Variants in TRAM1 observed in about 807,000 individuals in gnomAD.
TRAM1 encodes translocation associated membrane protein 1.
In TRAM1, 17 loss-of-function variants were observed where a neutral mutation model predicts 48.7. The observed-to-expected ratio is 0.35, with a 90% CI of 0.24 to 0.52. The LOEUF (loss-of-function observed/expected upper bound fraction) is 0.52, where lower values mean the gene tolerates loss of function less well. Among genes scored for constraint, TRAM1 ranks in the 20% least tolerant of loss-of-function variants. The pLI is 0.94. For synonymous variants in TRAM1, 182 were observed against 154.0 expected (o/e 1.18, Z -1.34); for missense variants, 351 against 441.5 (o/e 0.79, Z 1.84).
chr8:70,586,875 A>G lies in TRAM1; in HGVS notation c.746+20T>C, dbSNP rs186422684. 1 of 1,599,712 alleles carries G rather than the reference A, an allele frequency of 6.3e-7. No individual in the cohort carries two copies. Among genetic ancestry groups the G allele is most frequent in the African/African-American group, 1.3e-5 (1 of 74,704 alleles). ...TTTAAATACCTAGTACACGAGAAAT[A>G]GAATGGCTAAACAACTTACCCTTTC... On this transcript the variant is annotated intron_variant, in intron 8 of 10. Coordinates refer to ENST00000262213, the MANE Select transcript of TRAM1 (RefSeq NM_014294.6).
intron 2 of TRAM1, among the ~76,000 whole-genome samples, chr8:70,598,532 C>T (rs191204391): frequency 6.6e-6 from 1 of 152,262 alleles, no homozygotes; most frequent in East Asian, 1.9e-4. Context: ...GGAGGCCACA[C>T]TCAATAAACT....
chr8:70,605,757 AAC>A (rs1444249068), intron 1 of TRAM1, among the ~76,000 whole-genome samples: 2 of 152,198 alleles, frequency 1.3e-5, no homozygotes, highest in African/African-American at 4.8e-5. Flanking sequence ...GTATCACTTT[AAC>A]ACTCACTTTT....
chr8:70,591,481 G>A (rs1035296066), intron 6 of TRAM1, among the ~76,000 whole-genome samples: 4 of 152,132 alleles, frequency 2.6e-5, no homozygotes, highest in Non-Finnish European at 4.4e-5. Flanking sequence ...GGTTGTGGGG[G>A]AAGGGAGAGA....
intron 4 of TRAM1, among the ~76,000 whole-genome samples, chr8:70,597,131 T>A (rs1453045694): frequency 6.6e-6 from 1 of 152,190 alleles, no homozygotes; most frequent in Non-Finnish European, 1.5e-5. Context: ...GTATGTAAAC[T>A]ATGGAACACC....
intron 6 of TRAM1, among the ~76,000 whole-genome samples, chr8:70,592,564 A>G (rs1468290095): frequency 1.3e-5 from 2 of 152,252 alleles, no homozygotes; most frequent in African/African-American, 4.8e-5. Flanking sequence ...GAGAAGTGCC[A>G]TCTGGCAGGA....
At chr8:70,607,915 G>T in intron 1 of TRAM1, 162 bp downstream of exon 1, 1 of 810,684 alleles carries the variant, frequency 1.2e-6, no homozygotes, top group Non-Finnish European at 1.7e-6. Context: ...CCGCCGACGT[G>T]GGGCAGGGCA....
In TRAM1 at chr8:70,573,355, A is replaced by C. The variant is rs977714201; in HGVS notation, c.*1577T>G. ...AAAAGGGTTATTCTGAATGTCTATG[A>C]AGTGTTTTAAATATGGTACATTTTA... On this transcript the variant is annotated 3_prime_UTR_variant, in exon 11 of 11. Coordinates refer to ENST00000262213, the MANE Select transcript of TRAM1 (RefSeq NM_014294.6). 2.0e-5 allele frequency: 3 copies of C among 152,542 alleles called. No homozygotes were observed. The highest frequency in any genetic ancestry group is 6.5e-5 in the Admixed American group (1 of 15,276). 9.4% of individuals were successfully genotyped at this position (152,542 alleles called of 1,614,324 possible). A position where few individuals can be genotyped will look rare whatever the true frequency, so the allele number is the denominator to read the frequency against.
Position 70,586,978 on chromosome 8 carries a change from A to G in TRAM1, c.663T>C (p.Val221=). The G allele has an allele frequency of 1.2e-6, 2 of 1,613,910 alleles. No individual in the cohort carries two copies. Among genetic ancestry groups the G allele is most frequent in the South Asian group, 2.2e-5 (2 of 91,084 alleles). ...CAACAAAATAATGTAGCACCAGAAGAACAAGTCCTAGATGATTCAAGCTGT... is the reference window on the plus strand; with the variant it reads ...CAACAAAATAATGTAGCACCAGAAGGACAAGTCCTAGATGATTCAAGCTGT... ...YLLNLNHLGL[V]LLVLHYFVEF... is the part of the protein sequence containing the mutation. Residue 221 remains valine, a synonymous_variant, in exon 8 of 11, where the codon GTT becomes GTC. Coordinates refer to ENST00000262213, the MANE Select transcript of TRAM1 (RefSeq NM_014294.6).
Position 70,608,416 on chromosome 8 carries a change from T to G in TRAM1, c.-217A>C. ...AGCTAGCCCGCAGCGGGGGCGAGCA[T>G]GCGCACCAGGGAGACGACGCTCCCT... On this transcript the variant is annotated 5_prime_UTR_variant, in exon 1 of 11. It removes an upstream start codon present in the reference 5' UTR. Transcript: ENST00000262213. The G allele has an allele frequency of 1.5e-5, 5 of 341,588 alleles. No homozygotes were observed. The highest frequency in any genetic ancestry group is 2.5e-5 in the Non-Finnish European group (5 of 197,350). The allele number at this position is 341,588 out of a possible 1,614,324, so 21.2% of individuals were successfully genotyped here.
chr8:70,583,293 G>C lies in TRAM1; in HGVS notation c.922C>G (p.Gln308Glu). The change falls in exon 10 of 11, where the codon CAG (glutamine) becomes GAG (glutamate). Residue 308 changes from glutamine (Q) to glutamate (E), a missense_variant. Coordinates refer to ENST00000262213, the MANE Select transcript of TRAM1 (RefSeq NM_014294.6). ...ATGAACTTCCACATCATAAATGCCTGAGTAACGCAAATGGATGCCAGAACA... is the reference window on the plus strand; with the variant it reads ...ATGAACTTCCACATCATAAATGCCTCAGTAACGCAAATGGATGCCAGAACA... ...IAVLASICVT[Q>E]AFMMWKFINF... is the part of the protein sequence containing the mutation. 6.2e-7 allele frequency: 1 copy of C among 1,613,760 alleles called. No individual in the cohort carries two copies. The highest frequency in any genetic ancestry group is 8.5e-7 in the Non-Finnish European group (1 of 1,179,926).
chr8:70,574,151 AATC>A lies in TRAM1; in HGVS notation c.*778_*780del, dbSNP rs1202689726. On this transcript the variant is annotated 3_prime_UTR_variant, in exon 11 of 11. Transcript: ENST00000262213. ...TAAACTTATTATGAGCCCCATTAAGAATCATTATTAATAAACATATCAAAAAGG... is the reference window on the plus strand; with the variant it reads ...TAAACTTATTATGAGCCCCATTAAGAATTATTAATAAACATATCAAAAAGG... 2.8e-6 allele frequency: 1 copy of A among 357,672 alleles called. No individual in the cohort carries two copies. The highest frequency in any genetic ancestry group is 5.3e-6 in the Non-Finnish European group (1 of 189,756). The allele number at this position is 357,672 out of a possible 1,614,324, so 22.2% of individuals were successfully genotyped here.
chr8:70,575,688 C>T (rs562511100), intron 10 of TRAM1, among the ~76,000 whole-genome samples: 5 of 152,216 alleles, frequency 3.3e-5, no homozygotes, highest in South Asian at 2.1e-4. Context: ...ATGTTTGAGG[C>T]GGGGGCAATG....
At chr8:70,585,486 G>T (rs1817189790) in intron 8 of TRAM1, among the ~76,000 whole-genome samples, 1 of 150,602 alleles carries the variant, frequency 6.6e-6, no homozygotes, top group Non-Finnish European at 1.5e-5. Flanking sequence ...GAGTGAACAG[G>T]CAACCTACAA....
At chr8:70,588,387 T>C (rs560354713) in intron 6 of TRAM1, among the ~76,000 whole-genome samples, 4 of 151,950 alleles carry the variant, frequency 2.6e-5, no homozygotes, top group African/African-American at 9.6e-5. Flanking sequence ...GGCGTTTGAG[T>C]CTAGCCTGGG....
At chr8:70,592,443 G>A (rs183574948) in intron 6 of TRAM1, among the ~76,000 whole-genome samples, 5 of 152,228 alleles carry the variant, frequency 3.3e-5, no homozygotes, top group Non-Finnish European at 7.4e-5. Flanking sequence ...TTCAAATTAT[G>A]TTAATTACTT....
chr8:70,596,668 G>C (rs1252277254), intron 4 of TRAM1, among the ~76,000 whole-genome samples: 1 of 151,970 alleles, frequency 6.6e-6, no homozygotes, highest in Non-Finnish European at 1.5e-5. Flanking sequence ...TTTGTCTTAG[G>C]TAATCAGAAG....
chr8:70,605,418 GCTT>G (rs1250009163), intron 1 of TRAM1, among the ~76,000 whole-genome samples: 3 of 152,024 alleles, frequency 2.0e-5, no homozygotes, highest in Admixed American at 6.6e-5. Context: ...TATCTCCATT[GCTT>G]CTTCATTTTG....
Position 70,583,714 on chromosome 8 carries a change from G to T in TRAM1, c.826C>A (p.Leu276Ile). 1 of 1,613,028 alleles carries T rather than the reference G, an allele frequency of 6.2e-7. No homozygotes were observed. The highest frequency in any genetic ancestry group is 8.5e-7 in the Non-Finnish European group (1 of 1,179,676). ...ILSVLTVGFGLARAENQKLDF... is the reference protein window; with the variant it reads ...ILSVLTVGFGIARAENQKLDF... ...AGCTTCTGATTTTCTGCTCTTGCAAGGCCAAAACCAACAGTCAGTACTGAA... is the reference window on the plus strand; with the variant it reads ...AGCTTCTGATTTTCTGCTCTTGCAATGCCAAAACCAACAGTCAGTACTGAA... The change falls in exon 9 of 11, where the codon CTT becomes ATT. Residue 276 changes from leucine (L) to isoleucine (I), a missense_variant. By Grantham distance (5) the Leu-to-Ile change is conservative (BLOSUM62 2). Coordinates refer to ENST00000262213, the MANE Select transcript of TRAM1 (RefSeq NM_014294.6).
Position 70,608,368 on chromosome 8 carries a change from C to CG in TRAM1, c.-170dup, listed in dbSNP as rs1554536515. 1.6e-5 allele frequency: 8 copies of CG among 513,318 alleles called. No homozygotes were observed. The African/African-American group carries it at 1.7e-4, about 11-fold the overall frequency. The allele number at this position is 513,318 out of a possible 1,614,324, so 31.8% of individuals were successfully genotyped here. A position where few individuals can be genotyped will look rare whatever the true frequency, so the allele number is the denominator to read the frequency against. Reference sequence around the variant, plus strand: ...GCCAGTACGCAGCCGCCGGGCCGCCCGGGGGAAAAAAAAAAACACAACAGC... The same window carrying CG: ...GCCAGTACGCAGCCGCCGGGCCGCCCGGGGGGAAAAAAAAAAACACAACAGC... On this transcript the variant is annotated 5_prime_UTR_variant, in exon 1 of 11. Transcript: ENST00000262213.
Sources: gnomAD v4.1 joint callset for allele counts (sites outside exome capture counted in the v4.1 genomes callset) on GRCh38, gnomAD v4.1.1 for gene constraint, MANE v1.5 for transcripts, NCBI Gene and HGNC (gene_info 2026-07-23, HGNC 2026-07-21) for gene names.